Variants in LDB2 observed in about 807,000 individuals in gnomAD.
The protein encoded by LDB2 is LIM domain-binding protein 2.
In LDB2, 12 loss-of-function variants were observed where a neutral mutation model predicts 44.3. The ratio of observed to expected loss-of-function variants is 0.27; its 90% confidence interval spans 0.17 to 0.44. LDB2 has a LOEUF of 0.44. Ranked by LOEUF, LDB2 falls within the 20% of genes least tolerant of loss-of-function variation. The probability of loss-of-function intolerance (pLI) is 1.00; values close to 1 mark genes in which losing one functional copy is unlikely to be tolerated. For missense variants in LDB2, 344 were observed against 473.5 expected, an observed-to-expected ratio of 0.73 and a Z score of 2.54; for synonymous variants, 164 against 174.8, an observed-to-expected ratio of 0.94 and a Z score of 0.49.
At chr4:16,783,039 A>G (rs1773635684) in intron 1 of LDB2, among the ~76,000 whole-genome samples, 1 of 152,228 alleles carries the variant, frequency 6.6e-6, no homozygotes, top group Admixed American at 6.5e-5. Flanking sequence ...TGAGACCCAA[A>G]TAATAAGACT....
At chr4:16,715,815 C>A (rs1056579829) in intron 2 of LDB2, among the ~76,000 whole-genome samples, 2 of 152,094 alleles carry the variant, frequency 1.3e-5, no homozygotes, top group South Asian at 4.1e-4. Context: ...AGGAGTCAAC[C>A]ACAAGGAATA....
intron 2 of LDB2, among the ~76,000 whole-genome samples, chr4:16,599,140 A>T (rs1048020052): frequency 5.3e-5 from 8 of 152,124 alleles, no homozygotes; most frequent in Non-Finnish European, 1.0e-4. Flanking sequence ...AATTACCACC[A>T]ACATAGTGGC....
At chr4:16,586,502 AC>A (rs1716875169) in intron 4 of LDB2, among the ~76,000 whole-genome samples, 2 of 116,616 alleles carry the variant, frequency 1.7e-5, no homozygotes, top group South Asian at 3.0e-4. Context: ...ACACACACAC[AC>A]ACACACACAC....
chr4:16,561,105 A>G (rs987403077), intron 5 of LDB2, among the ~76,000 whole-genome samples: 1 of 152,182 alleles, frequency 6.6e-6, no homozygotes, highest in African/African-American at 2.4e-5. Context: ...ACCCACAGCC[A>G]ATATCATACT....
chr4:16,505,711 TGA>T, intron 7 of LDB2: 1 of 785,072 alleles, frequency 1.3e-6, no homozygotes, highest in Non-Finnish European at 1.9e-6. Flanking sequence ...GCGAGCCATC[TGA>T]GAGAGGTCCA....
chr4:16,617,553 G>A (rs1390382744), intron 2 of LDB2, among the ~76,000 whole-genome samples: 1 of 152,142 alleles, frequency 6.6e-6, no homozygotes, highest in Non-Finnish European at 1.5e-5. Context: ...GACACACTCG[G>A]TTTTGTATAG....
chr4:16,748,118 G>A (rs1764742841), intron 2 of LDB2, among the ~76,000 whole-genome samples: 3 of 152,126 alleles, frequency 2.0e-5, no homozygotes, highest in Admixed American at 6.5e-5. Flanking sequence ...TAAATGGGAG[G>A]GGCTTTATCA....
intron 5 of LDB2, among the ~76,000 whole-genome samples, chr4:16,570,276 A>G (rs1351857298): frequency 6.6e-6 from 1 of 151,632 alleles, no homozygotes; most frequent in African/African-American, 2.4e-5. Context: ...ACCCTGGCTA[A>G]CACGGTGAAA....
intron 1 of LDB2, among the ~76,000 whole-genome samples, chr4:16,838,972 A>C (rs941775151): frequency 6.6e-6 from 1 of 152,234 alleles, no homozygotes; most frequent in Non-Finnish European, 1.5e-5. Context: ...TTAGTGAGAA[A>C]GCCTCACAAA....
intron 1 of LDB2, among the ~76,000 whole-genome samples, chr4:16,895,652 G>A (rs1724780747): frequency 6.6e-6 from 1 of 152,024 alleles, no homozygotes; most frequent in Non-Finnish European, 1.5e-5. Flanking sequence ...GAAGAGGGAT[G>A]GGTGAGTCAG....
intron 1 of LDB2, among the ~76,000 whole-genome samples, chr4:16,769,399 C>T (rs1467823515): frequency 2.0e-5 from 3 of 151,916 alleles, no homozygotes; most frequent in Non-Finnish European, 2.9e-5. Flanking sequence ...TGGGTTCAAG[C>T]GATTCTCCTG....
At chr4:16,585,081 G>A (rs1409468419) in intron 5 of LDB2, among the ~76,000 whole-genome samples, 1 of 152,176 alleles carries the variant, frequency 6.6e-6, no homozygotes, top group East Asian at 1.9e-4. Flanking sequence ...GCAGCCTTCT[G>A]GATTGTGGAG....
chr4:16,637,042 G>A (rs765622168), intron 2 of LDB2, among the ~76,000 whole-genome samples: 10 of 152,134 alleles, frequency 6.6e-5, no homozygotes, highest in African/African-American at 9.7e-5. Flanking sequence ...ATTTAGGTGC[G>A]GAAATTCCTC....
chr4:16,826,049 C>G (rs997417066), intron 1 of LDB2, among the ~76,000 whole-genome samples: 1 of 151,192 alleles, frequency 6.6e-6, no homozygotes, highest in African/African-American at 2.4e-5. Flanking sequence ...TAGTTTAGCC[C>G]TAATGTTATA....
chr4:16,762,705 G>A (rs758179390), intron 1 of LDB2, among the ~76,000 whole-genome samples: 11 of 152,076 alleles, frequency 7.2e-5, no homozygotes, highest in Non-Finnish European at 1.6e-4. Flanking sequence ...GATTTGGGTG[G>A]GGACACAGCC....
At chr4:16,793,691 G>A (rs527920032) in intron 1 of LDB2, among the ~76,000 whole-genome samples, 1 of 152,232 alleles carries the variant, frequency 6.6e-6, no homozygotes, top group South Asian at 2.1e-4. Flanking sequence ...ATTCCTCTTT[G>A]TAACCTCTCC....
chr4:16,775,014 T>C (rs532255110), intron 1 of LDB2, among the ~76,000 whole-genome samples: 20 of 152,340 alleles, frequency 1.3e-4, no homozygotes, highest in African/African-American at 4.6e-4. Context: ...CAAAACACTA[T>C]GGCAATGAGA....
chr4:16,592,505 T>TATATATATATATATATACAC (rs757702164), intron 3 of LDB2, among the ~76,000 whole-genome samples: 2 of 108,054 alleles, frequency 1.9e-5, no homozygotes, highest in African/African-American at 7.6e-5. Context: ...TATATATATA[T>TATATATATATATATATACAC]ACACACACAC....
Position 16,569,218 on chromosome 4 carries a change from A to C in LDB2, c.615+16704T>G, listed in dbSNP as rs570910156. Among the ~76,000 whole-genome samples, 70 of 152,328 alleles carry C rather than the reference A, an allele frequency of 4.6e-4. No individual in the cohort carries two copies. The Middle Eastern group carries it at 0.01, about 22-fold the overall frequency. ...AACTTCTTCAATTCCTAAGGCTACA[A>C]ATACTTTCGAAAAATAAAATCCACA... On this transcript the variant is annotated intron_variant, in intron 5 of 7. Transcript: ENST00000304523.
Sources: gnomAD v4.1 joint callset for allele counts (sites outside exome capture counted in the v4.1 genomes callset) on GRCh38, gnomAD v4.1.1 for gene constraint, MANE v1.5 for transcripts, NCBI Gene and HGNC (gene_info 2026-07-23, HGNC 2026-07-21) for gene names.